The following HOOK3 variants were observed in gnomAD, a reference collection of about 807,000 sequenced individuals.
HOOK3 encodes protein Hook homolog 3.
In HOOK3, 24 loss-of-function variants were observed where a neutral mutation model predicts 116.3. The observed-to-expected ratio is 0.21, with a 90% CI of 0.15 to 0.29. The LOEUF is 0.29. Ranked by LOEUF, HOOK3 falls within the 10% of genes least tolerant of loss-of-function variation. The pLI is 1.00. For synonymous variants in HOOK3, 275 were observed against 283.0 expected, an observed-to-expected ratio of 0.97 and a Z score of 0.28; for missense variants, 632 against 830.2, an observed-to-expected ratio of 0.76 and a Z score of 2.93.
At chr8:42,954,042 A>T (rs933590858) in intron 6 of HOOK3, among the ~76,000 whole-genome samples, 1 of 152,214 alleles carries the variant, frequency 6.6e-6, no homozygotes, top group Admixed American at 6.5e-5. Context: ...ATTATGGTAT[A>T]CTAGTATACT....
intron 3 of HOOK3, among the ~76,000 whole-genome samples, chr8:42,926,320 C>T (rs1586594105): frequency 6.6e-6 from 1 of 152,162 alleles, no homozygotes; most frequent in African/African-American, 2.4e-5. Context: ...GGAGTCTTCT[C>T]TGTCCCCCAG....
At chr8:42,968,846 C>G (rs1808677915) in intron 11 of HOOK3, among the ~76,000 whole-genome samples, 1 of 152,164 alleles carries the variant, frequency 6.6e-6, no homozygotes, top group Non-Finnish European at 1.5e-5. Flanking sequence ...AGCCTCCATG[C>G]TGCGGCTTTC....
chr8:42,943,327 A>C lies in HOOK3; in HGVS notation c.282A>C (p.Gln94His). 6.7e-7 allele frequency: 1 copy of C among 1,500,918 alleles called. No homozygotes were observed. The highest frequency in any genetic ancestry group is 8.9e-7 in the Non-Finnish European group (1 of 1,120,448). The allele number at this position is 1,500,918 out of a possible 1,614,324, so 93.0% of individuals were successfully genotyped here. ...TCTCCATTCAGATTTTAGGACAGCA[A>C]ATTAATGACTTTACCCTTCCTGATG... ...LDYNHEILGQ[Q>H]INDFTLPDVN... Residue 94 changes from glutamine to histidine, a missense_variant, in exon 5 of 22, where the codon CAA (glutamine) becomes CAC (histidine). Gln to His is a conservative substitution (Grantham distance 24). This residue lies in a region of HOOK3 where 141 missense variants were observed against 150.8 expected (regional missense o/e 0.93). Coordinates refer to ENST00000307602, the MANE Select transcript of HOOK3 (RefSeq NM_032410.4).
intron 11 of HOOK3, among the ~76,000 whole-genome samples, chr8:42,968,705 A>T (rs1395985630): frequency 6.6e-6 from 1 of 152,078 alleles, no homozygotes; most frequent in Admixed American, 6.6e-5. Context: ...AGGTACTTTT[A>T]TTTTATTTAC....
chr8:42,983,704 G>A (rs1340892822), intron 14 of HOOK3, among the ~76,000 whole-genome samples: 1 of 152,054 alleles, frequency 6.6e-6, no homozygotes, highest in Admixed American at 6.6e-5. Context: ...TGAACTCCTT[G>A]AGCTGAAGTG....
intron 10 of HOOK3, 100 bp downstream of exon 10, chr8:42,966,713 G>GATCCCAGCCCAGGTAGC: frequency 7.4e-7 from 1 of 1,344,916 alleles, no homozygotes. Context: ...GGCTACCTGG[G>GATCCCAGCCCAGGTAGC]CTGGGATCCC....
At chr8:42,931,223 T>A (rs1807865910) in intron 4 of HOOK3, among the ~76,000 whole-genome samples, 1 of 152,186 alleles carries the variant, frequency 6.6e-6, no homozygotes, top group Non-Finnish European at 1.5e-5. Context: ...TTGTTCTTGC[T>A]TTTTTGCACT....
At chr8:42,900,746 A>C in intron 1 of HOOK3, among the ~76,000 whole-genome samples, 1 of 152,202 alleles carries the variant, frequency 6.6e-6, no homozygotes, top group East Asian at 1.9e-4. Context: ...AACTGATGTG[A>C]CTTTGTAACT....
intron 12 of HOOK3, 114 bp from the exon 13 acceptor site, chr8:42,973,993 T>G: frequency 1.3e-6 from 1 of 767,554 alleles, no homozygotes; most frequent in Non-Finnish European, 2.2e-6. Flanking sequence ...AAGCAAAAGG[T>G]AAAACATGTT....
chr8:42,986,444 C>G (rs903096944), intron 14 of HOOK3, among the ~76,000 whole-genome samples: 31 of 151,980 alleles, frequency 2.0e-4, no homozygotes, highest in Middle Eastern at 3.2e-3. Context: ...TATTTAGAGA[C>G]TGTATTATTT....
intron 3 of HOOK3, among the ~76,000 whole-genome samples, chr8:42,926,455 T>G (rs1258583683): frequency 6.6e-6 from 1 of 152,112 alleles, no homozygotes; most frequent in Non-Finnish European, 1.5e-5. Flanking sequence ...CCCAGCTAAT[T>G]TTTGCATTTT....
intron 6 of HOOK3, among the ~76,000 whole-genome samples, chr8:42,951,849 GA>G (rs1808350228): frequency 6.6e-6 from 1 of 151,934 alleles, no homozygotes; most frequent in Non-Finnish European, 1.5e-5. Context: ...GCTGAGGCAG[GA>G]AAATTGCTTG....
At chr8:42,976,104 A>G (rs915927304) in intron 13 of HOOK3, among the ~76,000 whole-genome samples, 2 of 151,882 alleles carry the variant, frequency 1.3e-5, no homozygotes, top group African/African-American at 4.8e-5. Flanking sequence ...GTGCCATAAG[A>G]GGTGATTTAA....
At chr8:42,959,177 T>C in intron 7 of HOOK3, 54 bp from the exon 8 acceptor site, 1 of 1,170,102 alleles carries the variant, frequency 8.5e-7, no homozygotes, top group Non-Finnish European at 1.3e-6. Flanking sequence ...AACATACGAA[T>C]TATTAATTGT....
chr8:43,003,234 T>A (rs1394544819), intron 17 of HOOK3, among the ~76,000 whole-genome samples: 1 of 152,178 alleles, frequency 6.6e-6, no homozygotes, highest in Admixed American at 6.5e-5. Flanking sequence ...CGAAAGAAAT[T>A]CTCTTCTGGC....
intron 13 of HOOK3, among the ~76,000 whole-genome samples, chr8:42,974,611 A>G (rs1187462866): frequency 2.0e-5 from 3 of 152,260 alleles, no homozygotes; most frequent in African/African-American, 7.2e-5. Flanking sequence ...ATAGATAAAA[A>G]TGAAACATTG....
rs188895896 is a variant in HOOK3 at position 42,907,215 on chromosome 8, A to G, written c.143+957A>G. Among the ~76,000 whole-genome samples, 4 of 152,304 alleles carry G rather than the reference A, an allele frequency of 2.6e-5. No individual in the cohort carries two copies. The East Asian group carries it at 7.7e-4, about 29-fold the overall frequency. The stretch of plus-strand genomic sequence containing the variant: ...CATGTCACTAGCTGGGTTGCCCTGC[A>G]TTTCTGTTGAAAATCAGTGTCATTA... On this transcript the variant is annotated intron_variant, in intron 2 of 21. Transcript: ENST00000307602.
chr8:42,992,767 T>C (rs1247236533), intron 15 of HOOK3, among the ~76,000 whole-genome samples: 1 of 152,054 alleles, frequency 6.6e-6, no homozygotes, highest in Non-Finnish European at 1.5e-5. Flanking sequence ...GATTTGTAAT[T>C]TGACTTCTTC....
In HOOK3 at chr8:43,024,448, C is replaced by T; in HGVS notation, c.*5950C>T. On this transcript the variant is annotated 3_prime_UTR_variant, in exon 22 of 22. Coordinates refer to ENST00000307602, the MANE Select transcript of HOOK3 (RefSeq NM_032410.4). ...ATTTTTATAAATTAGAAGGATTTTCCATTCAATAAGGATAATCTCTCTTCC... is the reference window on the plus strand; with the variant it reads ...ATTTTTATAAATTAGAAGGATTTTCTATTCAATAAGGATAATCTCTCTTCC... 1 of 185,526 alleles carries T rather than the reference C, an allele frequency of 5.4e-6. No homozygotes were observed. The highest frequency in any genetic ancestry group is 1.1e-5 in the Non-Finnish European group (1 of 87,672). 11.5% of individuals were successfully genotyped at this position (185,526 alleles called of 1,614,324 possible). A position where few individuals can be genotyped will look rare whatever the true frequency, so the allele number is the denominator to read the frequency against.
Sources: gnomAD v4.1 joint callset for allele counts (sites outside exome capture counted in the v4.1 genomes callset) on GRCh38, gnomAD v4.1.1 for gene constraint, gnomAD v4.1.1 regional missense constraint, MANE v1.5 for transcripts, NCBI Gene and HGNC (gene_info 2026-07-23, HGNC 2026-07-21) for gene names.